RBFOX1: variants seen among roughly 807,000 people sequenced by gnomAD.
RBFOX1 encodes the protein RNA binding protein fox-1 homolog 1.
A neutral mutation model predicts 57.7 loss-of-function variants in RBFOX1; 8 were observed. That is an observed-to-expected ratio of 0.14 (90% CI 0.08 to 0.25). The LOEUF (loss-of-function observed/expected upper bound fraction) is 0.25, where lower values mean the gene tolerates loss of function less well. RBFOX1 is among the 10% of genes least tolerant of loss of function. RBFOX1 has a pLI of 1.00. For synonymous variants in RBFOX1, 326 were observed against 222.4 expected (o/e 1.47, Z -4.15); for missense variants, 611 against 548.5 (o/e 1.11, Z -1.14).
chr16:6,364,088 GT>G (rs1407646269), intron 2 of RBFOX1, among the ~76,000 whole-genome samples: 3 of 152,202 alleles, frequency 2.0e-5, no homozygotes, highest in African/African-American at 7.2e-5. Context: ...GGGAAGAAAG[GT>G]TTAGCCTACC....
intron 3 of RBFOX1, among the ~76,000 whole-genome samples, chr16:5,825,549 A>G (rs2056007782): frequency 6.6e-6 from 1 of 152,184 alleles, no homozygotes; most frequent in Admixed American, 6.5e-5. Flanking sequence ...TTCTCAGTGC[A>G]TTTTTTATGG....
At chr16:5,989,880 A>ACATACACACACACACACACC (rs33912010) in intron 4 of RBFOX1, among the ~76,000 whole-genome samples, 1 of 127,210 alleles carries the variant, frequency 7.9e-6, no homozygotes. Context: ...ACACACACAC[A>ACATACACACACACACACACC]CCACCCCTGT....
chr16:7,264,329 A>G (rs1378269927), intron 4 of RBFOX1, among the ~76,000 whole-genome samples: 1 of 152,244 alleles, frequency 6.6e-6, no homozygotes, highest in East Asian at 1.9e-4. Flanking sequence ...AGCAGAATTC[A>G]TAGTTGTTGA....
chr16:6,346,399 GA>G (rs1260933955), intron 2 of RBFOX1, among the ~76,000 whole-genome samples: 1 of 152,202 alleles, frequency 6.6e-6, no homozygotes, highest in Non-Finnish European at 1.5e-5. Flanking sequence ...CCTAACTTGG[GA>G]ATGTGAGTCT....
At chr16:5,359,931 A>G (rs2151334940) in intron 1 of RBFOX1, among the ~76,000 whole-genome samples, 1 of 98,344 alleles carries the variant, frequency 1.0e-5, no homozygotes, top group East Asian at 3.9e-4. Flanking sequence ...ACATCTCTTG[A>G]TTATGTTTTT....
At chr16:7,561,170 T>C (rs1282830286) in intron 5 of RBFOX1, among the ~76,000 whole-genome samples, 2 of 152,246 alleles carry the variant, frequency 1.3e-5, no homozygotes, top group Admixed American at 6.5e-5. Flanking sequence ...TGGGAATCCA[T>C]GGAGCTCAGA....
At chr16:7,093,003 G>A (rs1460499790) in intron 4 of RBFOX1, among the ~76,000 whole-genome samples, 1 of 152,174 alleles carries the variant, frequency 6.6e-6, no homozygotes, top group Admixed American at 6.5e-5. Context: ...GCAGTCAAAG[G>A]AAACATTTTT....
intron 1 of RBFOX1, among the ~76,000 whole-genome samples, chr16:5,359,622 T>C (rs1427323494): frequency 2.0e-5 from 3 of 152,244 alleles, no homozygotes; most frequent in African/African-American, 7.2e-5. Context: ...TTTTGAGATA[T>C]GTCTATTCAA....
chr16:7,224,979 C>G (rs148346222), intron 4 of RBFOX1, among the ~76,000 whole-genome samples: 3 of 152,302 alleles, frequency 2.0e-5, no homozygotes, highest in African/African-American at 7.2e-5. Flanking sequence ...TATTGAGCCT[C>G]TGCTATGTGT....
chr16:6,897,858 A>T (rs911864215), intron 3 of RBFOX1, among the ~76,000 whole-genome samples: 3 of 152,112 alleles, frequency 2.0e-5, no homozygotes, highest in Non-Finnish European at 4.4e-5. Flanking sequence ...TGAGCTTATC[A>T]TCCATCTGTC....
At chr16:6,801,044 G>T (rs546036917) in intron 3 of RBFOX1, among the ~76,000 whole-genome samples, 118 of 152,152 alleles carry the variant, frequency 7.8e-4, no homozygotes, top group African/African-American at 2.7e-3. Flanking sequence ...ACTTAAACTT[G>T]AACATGCACA....
intron 2 of RBFOX1, among the ~76,000 whole-genome samples, chr16:6,381,856 G>A (rs2152918409): frequency 6.6e-6 from 1 of 152,338 alleles, no homozygotes; most frequent in South Asian, 2.1e-4. Flanking sequence ...TGCACGGGCT[G>A]TTTATAGGGC....
At chr16:6,673,609 AATATATAG>A (rs1167666366) in intron 3 of RBFOX1, among the ~76,000 whole-genome samples, 5 of 152,118 alleles carry the variant, frequency 3.3e-5, no homozygotes, top group Non-Finnish European at 5.9e-5. Context: ...ATGTCAAAAA[AATATATAG>A]ATATGTATTG....
chr16:5,664,859 T>C (rs2049779098), intron 3 of RBFOX1, among the ~76,000 whole-genome samples: 1 of 152,188 alleles, frequency 6.6e-6, no homozygotes, highest in Admixed American at 6.5e-5. Context: ...CACATGGCCT[T>C]GATCCTGTGT....
At chr16:6,742,581 C>G (rs568515949) in intron 3 of RBFOX1, among the ~76,000 whole-genome samples, 1 of 152,180 alleles carries the variant, frequency 6.6e-6, no homozygotes, top group Non-Finnish European at 1.5e-5. Flanking sequence ...TGGAAACAAC[C>G]AAAATATCTA....
At chr16:5,595,547 T>C (rs549344988) in intron 2 of RBFOX1, among the ~76,000 whole-genome samples, 7 of 152,206 alleles carry the variant, frequency 4.6e-5, no homozygotes, top group African/African-American at 1.4e-4. Context: ...CTAAAAAGGG[T>C]TGCAGATCAG....
At chr16:6,663,267 A>G (rs949369576) in intron 3 of RBFOX1, among the ~76,000 whole-genome samples, 3 of 152,208 alleles carry the variant, frequency 2.0e-5, no homozygotes, top group African/African-American at 2.4e-5. Flanking sequence ...AACTTGTCAC[A>G]GACGGCTCAG....
intron 4 of RBFOX1, among the ~76,000 whole-genome samples, chr16:7,205,379 G>C (rs1459125180): frequency 6.6e-6 from 1 of 151,948 alleles, no homozygotes; most frequent in Non-Finnish European, 1.5e-5. Flanking sequence ...TTAGCTGGGT[G>C]TGGTGGTGCT....
intron 9 of RBFOX1, among the ~76,000 whole-genome samples, chr16:7,601,746 C>T (rs1369338240): frequency 6.6e-6 from 1 of 152,070 alleles, no homozygotes; most frequent in African/African-American, 2.4e-5. Context: ...ATGCAGTAGC[C>T]CTTGACCACC....
Sources: gnomAD v4.1 joint callset for allele counts (sites outside exome capture counted in the v4.1 genomes callset) on GRCh38, gnomAD v4.1.1 for gene constraint, MANE v1.5 for transcripts, NCBI Gene and HGNC (gene_info 2026-07-23, HGNC 2026-07-21) for gene names.